The following CCDC85C variants were observed in gnomAD, a reference collection of about 807,000 sequenced individuals.
The protein encoded by CCDC85C is coiled-coil domain-containing protein 85C.
In CCDC85C, 18 loss-of-function variants were observed where a neutral mutation model predicts 38.3. The observed-to-expected ratio is 0.47, with a 90% CI of 0.33 to 0.70. The LOEUF (loss-of-function observed/expected upper bound fraction) is 0.70. CCDC85C is among the 30% of genes least tolerant of loss of function. The probability of loss-of-function intolerance (pLI) is 0.03; values close to 1 mark genes in which losing one functional copy is unlikely to be tolerated. For missense variants in CCDC85C, 566 were observed against 621.2 expected, an observed-to-expected ratio of 0.91 and a Z score of 0.94; for synonymous variants, 264 against 293.8, an observed-to-expected ratio of 0.90 and a Z score of 1.04.
In CCDC85C at chr14:99,569,347, C is replaced by G. The variant is rs80045322; in HGVS notation, c.794-33259G>C. ...TCCCCAAAACAAACAGGCTGCTGGG[C>G]CAGTGGGGTGTGTGCTCGGCTCCAC... On this transcript the variant is annotated intron_variant, in intron 1 of 5. Transcript: ENST00000380243. The surrounding 1 kb of genome is among the most constrained non-coding windows in gnomAD (Gnocchi z 4.3). Among the ~76,000 whole-genome samples, 968 of 152,280 alleles carry G rather than the reference C, an allele frequency of 6.4e-3. 13 individuals carry two copies. Among genetic ancestry groups the G allele is most frequent in the African/African-American group, 0.022 (932 of 41,560 alleles).
intron 1 of CCDC85C, among the ~76,000 whole-genome samples, chr14:99,564,765 G>T (rs943612192): frequency 1.3e-5 from 2 of 152,186 alleles, no homozygotes; most frequent in African/African-American, 2.4e-5. Context: ...GCCTTTTAAG[G>T]CCCCTTGGCA....
chr14:99,598,066 G>A (rs1440853004), intron 1 of CCDC85C, among the ~76,000 whole-genome samples: 4 of 151,868 alleles, frequency 2.6e-5, no homozygotes, highest in Non-Finnish European at 5.9e-5. Flanking sequence ...TCACTAACCA[G>A]AGGGCTACAT....
intron 2 of CCDC85C, among the ~76,000 whole-genome samples, chr14:99,529,059 G>A (rs1426309513): frequency 2.0e-5 from 3 of 152,332 alleles, no homozygotes; most frequent in Non-Finnish European, 4.4e-5. Flanking sequence ...CTTCAGCTGG[G>A]GGTCCAGAGA....
At chr14:99,557,816 G>A (rs1898040726) in intron 1 of CCDC85C, among the ~76,000 whole-genome samples, 2 of 152,156 alleles carry the variant, frequency 1.3e-5, no homozygotes, top group Non-Finnish European at 2.9e-5. Flanking sequence ...TTGAGAAGCC[G>A]AGGCACGAGG....
At position 99,509,840 on chromosome 14, in the gene CCDC85C, GCA is replaced by G; in HGVS notation, c.*5404_*5405del. 1 of 434,532 alleles carries G rather than the reference GCA, an allele frequency of 2.3e-6. No homozygotes were observed. The highest frequency in any genetic ancestry group is 4.1e-6 in the Non-Finnish European group (1 of 244,160). 26.9% of individuals were successfully genotyped at this position (434,532 alleles called of 1,614,324 possible). A position where few individuals can be genotyped will look rare whatever the true frequency, so the allele number is the denominator to read the frequency against. On this transcript the variant is annotated 3_prime_UTR_variant, in exon 6 of 6. Coordinates refer to ENST00000380243, the MANE Select transcript of CCDC85C (RefSeq NM_001144995.2). Reference sequence around the variant, plus strand: ...AAACAGAGGAGCCCCCACACGTTTTGCACTAGGAAGAGGGGGCTGGGGCCAGG... The same window carrying G: ...AAACAGAGGAGCCCCCACACGTTTTGCTAGGAAGAGGGGGCTGGGGCCAGG...
At chr14:99,590,823 C>T (rs957975973) in intron 1 of CCDC85C, among the ~76,000 whole-genome samples, 1 of 152,166 alleles carries the variant, frequency 6.6e-6, no homozygotes, top group East Asian at 1.9e-4. Context: ...TGCCCCCCAA[C>T]CCCCAACCAA....
intron 1 of CCDC85C, among the ~76,000 whole-genome samples, chr14:99,573,136 C>T (rs902336580): frequency 2.0e-5 from 3 of 152,344 alleles, no homozygotes; most frequent in African/African-American, 7.2e-5. Context: ...GCCTGGGCAC[C>T]GCTTCATTTC....
rs577211458 is a variant in CCDC85C, at chr14:99,603,240, T to C, written c.720A>G (p.Ala240=). The C allele has an allele frequency of 4.0e-4, 566 of 1,404,126 alleles. 2 individuals are homozygous for C. The Middle Eastern group carries it at 5.3e-3, about 13-fold the overall frequency. 87.0% of individuals were successfully genotyped at this position (1,404,126 alleles called of 1,614,324 possible). Residue 240 remains alanine (A), a synonymous_variant, in exon 1 of 6, where the codon GCA becomes GCG. Transcript: ENST00000380243. The surrounding 1 kb of genome is among the most constrained non-coding windows in gnomAD (Gnocchi z 7.5). ...CGTCCAGGGACCGACGTGTGGCTCCTGCCTTGCCGTCGGGGGCCTTGTGCG... is the reference window on the plus strand; with the variant it reads ...CGTCCAGGGACCGACGTGTGGCTCCCGCCTTGCCGTCGGGGGCCTTGTGCG... ...PGPHKAPDGK[A]GATRRSLDDL... is the part of the protein sequence containing the mutation.
At position 99,502,157 on chromosome 14, in the gene CCDC85C, C is replaced by A. The variant is rs1311436697; in HGVS notation, c.*13089G>T. On this transcript the variant is annotated 3_prime_UTR_variant, in exon 6 of 6. Coordinates refer to ENST00000380243, the MANE Select transcript of CCDC85C (RefSeq NM_001144995.2). ...TGGCATCTCCATGCACTGGTTTAAT[C>A]ATAAATATTAGATCATATTATCTAA... The A allele has an allele frequency of 2.0e-6, 3 of 1,515,332 alleles. No individual in the cohort carries two copies. The highest frequency in any genetic ancestry group is 1.3e-5 in the South Asian group (1 of 77,486). The allele number at this position is 1,515,332 out of a possible 1,614,324, so 93.9% of individuals were successfully genotyped here.
chr14:99,600,766 G>A (rs1239456029), intron 1 of CCDC85C, among the ~76,000 whole-genome samples: 1 of 152,224 alleles, frequency 6.6e-6, no homozygotes, highest in Admixed American at 6.5e-5. Flanking sequence ...CAAGCCTGGT[G>A]TCTGACCCCA....
At chr14:99,579,414 A>G (rs958325171) in intron 1 of CCDC85C, among the ~76,000 whole-genome samples, 9 of 152,146 alleles carry the variant, frequency 5.9e-5, no homozygotes. Context: ...GGGCTCAGAG[A>G]TACTCACACA....
chr14:99,581,246 A>G (rs1218179258), intron 1 of CCDC85C, among the ~76,000 whole-genome samples: 1 of 152,228 alleles, frequency 6.6e-6, no homozygotes, highest in African/African-American at 2.4e-5. Context: ...TCCAGGGCAA[A>G]GACCTGGGCA....
Position 99,510,857 on chromosome 14 carries a change from G to A in CCDC85C, c.*4389C>T. The A allele has an allele frequency of 3.2e-6, 4 of 1,257,152 alleles. No individual in the cohort carries two copies. The highest frequency in any genetic ancestry group is 2.8e-4 in the Middle Eastern group (1 of 3,620). 77.9% of individuals were successfully genotyped at this position (1,257,152 alleles called of 1,614,324 possible). A position where few individuals can be genotyped will look rare whatever the true frequency, so the allele number is the denominator to read the frequency against. On this transcript the variant is annotated 3_prime_UTR_variant, in exon 6 of 6. Coordinates refer to ENST00000380243, the MANE Select transcript of CCDC85C (RefSeq NM_001144995.2). Reference sequence around the variant, plus strand: ...CTTGCAGAGTAGTTGAAGTGGGTAAGCAGCAGGGTACCTTGTATAATGCAC... The same window carrying A: ...CTTGCAGAGTAGTTGAAGTGGGTAAACAGCAGGGTACCTTGTATAATGCAC...
At position 99,512,855 on chromosome 14, in the gene CCDC85C, T is replaced by C. The variant is rs566901692; in HGVS notation, c.*2391A>G. On this transcript the variant is annotated 3_prime_UTR_variant, in exon 6 of 6. Coordinates refer to ENST00000380243, the MANE Select transcript of CCDC85C (RefSeq NM_001144995.2). ...CCCTGTGGGAAGCCCCATCTGACCT[T>C]CTACAGCCCACGGCTCTGCAACTGC... 3.3e-5 allele frequency: 5 copies of C among 151,678 alleles called. No homozygotes were observed. Among genetic ancestry groups the C allele is most frequent in the East Asian group, 3.9e-4 (2 of 5,176 alleles). 9.4% of individuals were successfully genotyped at this position (151,678 alleles called of 1,614,324 possible). A position where few individuals can be genotyped will look rare whatever the true frequency, so the allele number is the denominator to read the frequency against.
At chr14:99,560,174 C>T (rs535090943) in intron 1 of CCDC85C, among the ~76,000 whole-genome samples, 1 of 152,234 alleles carries the variant, frequency 6.6e-6, no homozygotes, top group African/African-American at 2.4e-5. Flanking sequence ...GTGGCCTCCA[C>T]CAAAGGCTGC....
At chr14:99,526,528 G>A (rs1897386940) in intron 2 of CCDC85C, among the ~76,000 whole-genome samples, 1 of 152,180 alleles carries the variant, frequency 6.6e-6, no homozygotes, top group Admixed American at 6.5e-5. Flanking sequence ...CGAGAGGTGA[G>A]ACCCAGGGAG....
At chr14:99,597,551 C>G (rs2055155985) in intron 1 of CCDC85C, among the ~76,000 whole-genome samples, 1 of 152,220 alleles carries the variant, frequency 6.6e-6, no homozygotes, top group African/African-American at 2.4e-5. Context: ...GGAGGCAACA[C>G]AGGCCACCTG....
rs1897132932 is a variant in CCDC85C, at chr14:99,511,599, A to G, written c.*3647T>C. On this transcript the variant is annotated 3_prime_UTR_variant, in exon 6 of 6. Coordinates refer to ENST00000380243, the MANE Select transcript of CCDC85C (RefSeq NM_001144995.2). ...TAAAATGTGCAGAGGCCCTCCTTCC[A>G]GACCCTGGGGACGCGGGAGAGGCCT... 1 of 152,476 alleles carries G rather than the reference A, an allele frequency of 6.6e-6. No homozygotes were observed. The highest frequency in any genetic ancestry group is 1.5e-5 in the Non-Finnish European group (1 of 68,046). 9.4% of individuals were successfully genotyped at this position (152,476 alleles called of 1,614,324 possible). A position where few individuals can be genotyped will look rare whatever the true frequency, so the allele number is the denominator to read the frequency against.
intron 1 of CCDC85C, among the ~76,000 whole-genome samples, chr14:99,536,885 C>A (rs1897613031): frequency 6.6e-6 from 1 of 152,214 alleles, no homozygotes; most frequent in Non-Finnish European, 1.5e-5. Context: ...CCATCCCATA[C>A]CCCTGGTCCT....
Sources: allele counts gnomAD v4.1 joint callset (sites outside exome capture counted in the v4.1 genomes callset), GRCh38; gene constraint gnomAD v4.1.1; non-coding constraint Gnocchi (gnomAD v3.1); transcripts MANE v1.5; gene names NCBI Gene and HGNC (gene_info 2026-07-23, HGNC 2026-07-21).